The following PDE11A variants were observed in gnomAD, a reference collection of about 807,000 sequenced individuals.
PDE11A encodes phosphodiesterase 11A, also known as dual 3',5'-cyclic-AMP and -GMP phosphodiesterase 11A.
A neutral mutation model predicts 100.5 loss-of-function variants in PDE11A; 100 were observed. The ratio of observed to expected loss-of-function variants is 1.00; its 90% CI spans 0.85 to 1.18. The LOEUF is 1.18. Among genes scored for constraint, PDE11A ranks in the 50% most tolerant of loss-of-function variants. PDE11A has a pLI of 0.00. For missense variants in PDE11A, 1,141 were observed against 1,152.6 expected, an observed-to-expected ratio of 0.99 and a Z score of 0.15; for synonymous variants, 381 against 420.8, an observed-to-expected ratio of 0.91 and a Z score of 1.16.
At chr2:177,714,220 A>G (rs999590985) in intron 12 of PDE11A, among the ~76,000 whole-genome samples, 3 of 151,990 alleles carry the variant, frequency 2.0e-5, no homozygotes, top group South Asian at 4.2e-4. Context: ...GTCTCGATCT[A>G]CTGACCTTGT....
At chr2:177,964,376 A>G (rs2085672026) in intron 2 of PDE11A, among the ~76,000 whole-genome samples, 1 of 151,514 alleles carries the variant, frequency 6.6e-6, no homozygotes, top group East Asian at 1.9e-4. Flanking sequence ...CTCTATTTCT[A>G]TTTTTTTTCT....
chr2:177,844,370 C>T (rs373020062), intron 5 of PDE11A, among the ~76,000 whole-genome samples: 1 of 152,024 alleles, frequency 6.6e-6, no homozygotes, highest in South Asian at 2.1e-4. Context: ...AGCTCCACCC[C>T]CATGACCTAA....
chr2:178,087,843 A>C (rs2087377906), intron 2 of PDE11A, among the ~76,000 whole-genome samples: 1 of 152,188 alleles, frequency 6.6e-6, no homozygotes. Flanking sequence ...ATGGAGGAGA[A>C]GGGAAGGTGT....
intron 2 of PDE11A, among the ~76,000 whole-genome samples, chr2:177,952,112 A>G (rs2085512385): frequency 3.9e-5 from 6 of 152,178 alleles, no homozygotes; most frequent in Admixed American, 3.9e-4. Context: ...TGTTCCCACC[A>G]TATTAAATGT....
intron 6 of PDE11A, 69 bp downstream of exon 6, chr2:177,840,182 T>C: frequency 2.7e-6 from 4 of 1,494,436 alleles, no homozygotes; most frequent in Admixed American, 3.4e-5. Flanking sequence ...TATTCCTTTT[T>C]GTGTTTCAAC....
chr2:177,688,869 G>C (rs944003605), intron 15 of PDE11A, among the ~76,000 whole-genome samples: 10 of 152,180 alleles, frequency 6.6e-5, no homozygotes, highest in African/African-American at 9.7e-5. Flanking sequence ...TATCTGCAAG[G>C]CATCTTTTAT....
rs1024718702 is a variant in PDE11A at position 177,667,193 on chromosome 2, C to T, written c.2562+2300G>A. ...CATCCCAAAGCGCTGGGATTAAAGG[C>T]GTGAGCCACCACTCCTGGCTGTTCA... is the stretch of plus-strand genomic sequence containing the variant. On this transcript the variant is annotated intron_variant, in intron 18 of 19. Transcript: ENST00000286063. Among the ~76,000 whole-genome samples the T allele has an allele frequency of 2.6e-5, 4 of 152,130 alleles. No individual in the cohort carries two copies. In the East Asian group the frequency reaches 5.8e-4, roughly 22 times the overall value.
At chr2:177,669,392 A>G in intron 18 of PDE11A, 101 bp downstream of exon 18, 2 of 743,008 alleles carry the variant, frequency 2.7e-6, no homozygotes, top group Non-Finnish European at 2.5e-6. Flanking sequence ...GCTTCCTTAA[A>G]CCCATTTTCA....
chr2:178,001,402 G>A (rs1039887832), intron 2 of PDE11A, among the ~76,000 whole-genome samples: 2 of 151,390 alleles, frequency 1.3e-5, no homozygotes, highest in Non-Finnish European at 2.9e-5. Context: ...TCAAAATGTG[G>A]CTATTACAAG....
intron 5 of PDE11A, among the ~76,000 whole-genome samples, chr2:177,847,899 G>T (rs928906034): frequency 6.6e-5 from 10 of 152,054 alleles, no homozygotes; most frequent in African/African-American, 2.4e-4. Context: ...CATTAGACGA[G>T]TACTCATGTA....
chr2:177,761,915 T>C (rs2082175793), intron 10 of PDE11A, among the ~76,000 whole-genome samples: 1 of 152,190 alleles, frequency 6.6e-6, no homozygotes. Flanking sequence ...TTCTAGAAGA[T>C]ACTAAACTTT....
chr2:177,970,178 T>G (rs2085752546), intron 2 of PDE11A, among the ~76,000 whole-genome samples: 2 of 152,160 alleles, frequency 1.3e-5, no homozygotes, highest in South Asian at 4.1e-4. Context: ...GACTCAATCC[T>G]GAAACCATTC....
chr2:177,689,096 A>T (rs1435009514), intron 15 of PDE11A, among the ~76,000 whole-genome samples: 1 of 151,674 alleles, frequency 6.6e-6, no homozygotes, highest in African/African-American at 2.4e-5. Context: ...TTGTTTTTTT[A>T]TTTGAGATGG....
intron 10 of PDE11A, among the ~76,000 whole-genome samples, chr2:177,736,342 T>C (rs1323372431): frequency 1.3e-5 from 2 of 151,962 alleles, no homozygotes; most frequent in Middle Eastern, 3.4e-3. Flanking sequence ...TGAAACTCCG[T>C]CTCTATTAAA....
At chr2:177,828,146 C>G (rs1416072170) in intron 6 of PDE11A, among the ~76,000 whole-genome samples, 2 of 151,994 alleles carry the variant, frequency 1.3e-5, no homozygotes, top group African/African-American at 4.8e-5. Context: ...AATATGAACA[C>G]ATGAAAAATT....
intron 2 of PDE11A, among the ~76,000 whole-genome samples, chr2:177,929,336 T>A (rs1370442500): frequency 6.6e-6 from 1 of 152,184 alleles, no homozygotes. Flanking sequence ...TAGCTGAGAA[T>A]CTCCATTTGC....
Position 177,624,081 on chromosome 2 carries a change from A to G in PDE11A, c.*5326T>C, listed in dbSNP as rs2079799209. 6.6e-6 allele frequency: 1 copy of G among 152,268 alleles called. No homozygotes were observed. The highest frequency in any genetic ancestry group is 2.1e-4 in the South Asian group (1 of 4,828). 9.4% of individuals were successfully genotyped at this position (152,268 alleles called of 1,614,324 possible). On this transcript the variant is annotated 3_prime_UTR_variant, in exon 20 of 20. Transcript: ENST00000286063. The stretch of plus-strand genomic sequence containing the variant: ...TCTTGTAGTCAGACTTAACCTTTAC[A>G]TTTCCTGATACATTTGAGTTTTGGG...
At chr2:177,938,937 A>G (rs897319254) in intron 2 of PDE11A, among the ~76,000 whole-genome samples, 8 of 152,238 alleles carry the variant, frequency 5.3e-5, no homozygotes, top group Non-Finnish European at 1.0e-4. Flanking sequence ...AAGGAAAACA[A>G]TGTGAAGACA....
In PDE11A at chr2:177,998,066, C is replaced by G. The variant is rs915211264; in HGVS notation, c.1071+16236G>C. The G allele has an allele frequency of 1.2e-5, 15 of 1,302,860 alleles. No homozygotes were observed. In the East Asian group the frequency reaches 3.5e-4, roughly 30 times the overall value. 80.7% of individuals were successfully genotyped at this position (1,302,860 alleles called of 1,614,324 possible). A position where few individuals can be genotyped will look rare whatever the true frequency, so the allele number is the denominator to read the frequency against. On this transcript the variant is annotated intron_variant, in intron 2 of 19. Transcript: ENST00000286063. ...TGCTGAGTGCACTGTAAGAGCCTGC[C>G]CACACACTCAGGATCTGAGGGATTG...
Sources: gnomAD v4.1 joint callset for allele counts (sites outside exome capture counted in the v4.1 genomes callset) on GRCh38, gnomAD v4.1.1 for gene constraint, MANE v1.5 for transcripts, NCBI Gene and HGNC (gene_info 2026-07-23, HGNC 2026-07-21) for gene names.